The following SSX3 variants were observed in gnomAD, a reference collection of about 807,000 sequenced individuals.
The protein encoded by SSX3 is SSX family member 3.
Under a neutral mutation model 14.8 loss-of-function variants are expected in SSX3, and 6 were observed. The observed-to-expected ratio is 0.41, with a 90% CI of 0.22 to 0.80. SSX3 has a LOEUF of 0.80. Ranked by LOEUF, SSX3 falls within the 30% of genes least tolerant of loss-of-function variation. The probability of loss-of-function intolerance (pLI) is 0.34; values close to 1 mark genes in which losing one functional copy is unlikely to be tolerated. For missense variants in SSX3, 163 were observed against 152.2 expected (o/e 1.07, Z -0.37); for synonymous variants, 55 against 52.9 (o/e 1.04, Z -0.18).
chrX:48,347,779 G>A (rs1340173037), intron 6 of SSX3, among the ~76,000 whole-genome samples, 175 bp from the exon 7 acceptor site: 1 of 111,953 alleles, frequency 8.9e-6, no homozygotes, highest in Non-Finnish European at 1.9e-5. Flanking sequence ...CACCAATATA[G>A]GCCAAATGCC....
In SSX3 at chrX:48,346,454, C is replaced by G; in HGVS notation, c.*586G>C. 1 of 182,305 alleles carries G rather than the reference C, an allele frequency of 5.5e-6. No individual in the cohort carries two copies. Among genetic ancestry groups the G allele is most frequent in the South Asian group, 1.3e-4 (1 of 7,488 alleles). 15.0% of individuals were successfully genotyped at this position (182,305 alleles called of 1,213,427 possible). A position where few individuals can be genotyped will look rare whatever the true frequency, so the allele number is the denominator to read the frequency against. ...ACGTTTGCAAAGGTTTATTTACTGT[C>G]AGTGACTGCTACAGGGGAATCGGAT... is the stretch of plus-strand genomic sequence containing the variant. On this transcript the variant is annotated 3_prime_UTR_variant, in exon 8 of 8. Transcript: ENST00000298396.
chrX:48,348,212 T>C (rs1446212330), intron 6 of SSX3: 1 of 434,980 alleles, frequency 2.3e-6, no homozygotes, highest in South Asian at 3.3e-5. Context: ...AGGGTATCCA[T>C]CCTCAAGCAT....
intron 2 of SSX3, 171 bp from the exon 3 acceptor site, chrX:48,354,917 C>T (rs1193320671): frequency 1.1e-5 from 8 of 752,403 alleles, no homozygotes; most frequent in Non-Finnish European, 1.3e-5. Flanking sequence ...ACCCCTGCCA[C>T]ACTGTCGGGC....
intron 6 of SSX3, among the ~76,000 whole-genome samples, chrX:48,348,683 G>C (rs34451946): frequency 8.9e-6 from 1 of 112,218 alleles, no homozygotes; most frequent in Non-Finnish European, 1.9e-5. Flanking sequence ...AGTATATAAT[G>C]CAAAGGAAAA....
At position 48,353,207 on chromosome X, in the gene SSX3, T is replaced by A. The variant is rs1358440327; in HGVS notation, c.280+792A>T. On this transcript the variant is annotated intron_variant, in intron 4 of 7. Coordinates refer to ENST00000298396, the MANE Select transcript of SSX3 (RefSeq NM_021014.4). Reference sequence around the variant, plus strand: ...AACAGTGCTTAGGAAGAACAACATGTCATTTAAAAAAGAAATATTTCAAAC... The same window carrying A: ...AACAGTGCTTAGGAAGAACAACATGACATTTAAAAAAGAAATATTTCAAAC... Among the ~76,000 whole-genome samples, 5 of 110,502 alleles carry A rather than the reference T, an allele frequency of 4.5e-5. No homozygotes were observed. The Admixed American group carries it at 4.9e-4, about 11-fold the overall frequency.
rs147207905 is a variant in SSX3, at chrX:48,350,090, A to G, written c.363T>C (p.Asn121=). 2.0e-5 allele frequency: 24 copies of G among 1,210,116 alleles called. No individual in the cohort carries two copies. The Admixed American group carries it at 2.2e-4, about 11-fold the overall frequency. The change falls in exon 6 of 8, where the codon AAT becomes AAC. Residue 121 remains asparagine, a synonymous_variant. Transcript: ENST00000298396. Reference sequence around the variant, plus strand: ...ATGCTTCTGGCACTTCCTTCGAAACATTTCCTTCCTCTGCTGGCTTCTTGG... The same window carrying G: ...ATGCTTCTGGCACTTCCTTCGAAACGTTTCCTTCCTCTGCTGGCTTCTTGG... ...IMPKKPAEEG[N]VSKEVPEASG... is the part of the protein sequence containing the mutation.
intron 6 of SSX3, chrX:48,349,542 T>C: frequency 8.3e-7 from 1 of 1,210,251 alleles, no homozygotes; most frequent in Non-Finnish European, 1.1e-6. Context: ...TGACTCACTT[T>C]ATTGCAGTGG....
At chrX:48,354,419 G>A (rs782040253) in intron 3 of SSX3, among the ~76,000 whole-genome samples, 4 of 109,502 alleles carry the variant, frequency 3.7e-5, no homozygotes, top group South Asian at 8.3e-4. Flanking sequence ...AGAGAGAAAC[G>A]TGCAGGATCC....
At chrX:48,348,474 G>A (rs2061247750) in intron 6 of SSX3, 2 of 513,929 alleles carry the variant, frequency 3.9e-6, no homozygotes, top group East Asian at 7.4e-5. Flanking sequence ...ACTGAAATGA[G>A]GATTATTAAC....
chrX:48,350,682 G>C (rs2146664288), intron 5 of SSX3, among the ~76,000 whole-genome samples: 1 of 110,879 alleles, frequency 9.0e-6, no homozygotes, highest in African/African-American at 3.3e-5. Context: ...GGCACCAATT[G>C]AATGTGGAAT....
At chrX:48,348,374 T>C in intron 6 of SSX3, 1 of 518,613 alleles carries the variant, frequency 1.9e-6, no homozygotes, top group Non-Finnish European at 3.5e-6. Flanking sequence ...AATCGATTAA[T>C]GTTTTGTGTC....
intron 7 of SSX3, 103 bp downstream of exon 7, chrX:48,347,397 A>T: frequency 2.7e-6 from 3 of 1,121,433 alleles, no homozygotes; most frequent in Non-Finnish European, 3.7e-6. Context: ...AGAAAATTAT[A>T]AGAAGGGAAT....
At chrX:48,349,529 G>A in intron 6 of SSX3, 2 of 1,209,384 alleles carry the variant, frequency 1.7e-6, no homozygotes, top group South Asian at 1.8e-5. Flanking sequence ...AAAACAATGT[G>A]TGTGACTCAC....
Position 48,355,177 on chromosome X carries a change from T to G in SSX3, c.69+4A>C, listed in dbSNP as rs782521673. ...ACTACTCTGCTCCCTCTAGGTCACC[T>G]CACCTTTTGTATCTTCTCTGGTATT... is the stretch of plus-strand genomic sequence containing the variant. On this transcript the variant is annotated splice_donor_region_variant and intron_variant, in intron 2 of 7. Coordinates refer to ENST00000298396, the MANE Select transcript of SSX3 (RefSeq NM_021014.4). 2.2e-5 allele frequency: 27 copies of G among 1,208,919 alleles called. No homozygotes were observed. The South Asian group carries it at 3.9e-4, about 17-fold the overall frequency.
At chrX:48,349,491 A>G (rs782074229) in intron 6 of SSX3, 1 of 1,197,227 alleles carries the variant, frequency 8.4e-7, no homozygotes, top group African/African-American at 1.7e-5. Context: ...TGTAGTGTAA[A>G]CATAACGTTT....
intron 6 of SSX3, among the ~76,000 whole-genome samples, 161 bp from the exon 7 acceptor site, chrX:48,347,765 C>T (rs2061245029): frequency 8.9e-6 from 1 of 112,177 alleles, no homozygotes; most frequent in African/African-American, 3.2e-5. Context: ...AGACCTTAGA[C>T]CCACACCAAT....
At chrX:48,352,745 T>C (rs1556950154) in intron 4 of SSX3, among the ~76,000 whole-genome samples, 1 of 112,160 alleles carries the variant, frequency 8.9e-6, no homozygotes, top group Non-Finnish European at 1.9e-5. Flanking sequence ...ATTCTGACCT[T>C]GTCTTATAAT....
intron 2 of SSX3, 100 bp from the exon 3 acceptor site, chrX:48,354,846 A>G: frequency 4.2e-6 from 5 of 1,182,951 alleles, no homozygotes; most frequent in Non-Finnish European, 5.7e-6. Context: ...GGAAGTGGGG[A>G]TAATCCTTCC....
At chrX:48,355,607 CTG>C (rs781841052) in intron 1 of SSX3, among the ~76,000 whole-genome samples, 10 of 110,886 alleles carry the variant, frequency 9.0e-5, no homozygotes, top group African/African-American at 3.0e-4. Flanking sequence ...AGGGACATGA[CTG>C]TGTAATTTTA....
Sources: gnomAD v4.1 joint callset for allele counts (sites outside exome capture counted in the v4.1 genomes callset) on GRCh38, gnomAD v4.1.1 for gene constraint, MANE v1.5 for transcripts, NCBI Gene and HGNC (gene_info 2026-07-23, HGNC 2026-07-21) for gene names.